Variants in SGCZ observed in about 807,000 individuals in gnomAD.
SGCZ encodes sarcoglycan zeta.
Under a neutral mutation model 41.3 loss-of-function variants are expected in SGCZ, and 40 were observed. That is an observed-to-expected ratio of 0.97 (90% CI 0.75 to 1.26). The LOEUF (loss-of-function observed/expected upper bound fraction) is 1.26. SGCZ is among the 50% of genes most tolerant of loss of function. SGCZ has a pLI of 0.00. For synonymous variants in SGCZ, 206 were observed against 137.5 expected (o/e 1.50, Z -3.49); for missense variants, 552 against 369.8 (o/e 1.49, Z -4.04).
At chr8:15,108,751 G>A (rs906419157) in intron 1 of SGCZ, among the ~76,000 whole-genome samples, 62 of 152,234 alleles carry the variant, frequency 4.1e-4, no homozygotes, top group African/African-American at 1.4e-3. Flanking sequence ...TTATTAATAT[G>A]TATTGTAAGA....
Position 14,418,050 on chromosome 8 carries a change from T to A in SGCZ, c.235-93846A>T, listed in dbSNP as rs1022760173. Among the ~76,000 whole-genome samples, 9 of 151,866 alleles carry A rather than the reference T, an allele frequency of 5.9e-5. No homozygotes were observed. In the South Asian group the frequency reaches 6.2e-4, roughly 10 times the overall value. ...TACCAGTTGTTTCATAGGCTATGTC[T>A]GTCATGCTAGGCAGTTTGCTGGGTG... On this transcript the variant is annotated intron_variant, in intron 2 of 7. Coordinates refer to ENST00000382080, the MANE Select transcript of SGCZ (RefSeq NM_139167.4).
At chr8:14,482,401 C>T (rs1049270520) in intron 2 of SGCZ, among the ~76,000 whole-genome samples, 3 of 152,182 alleles carry the variant, frequency 2.0e-5, no homozygotes, top group African/African-American at 4.8e-5. Context: ...GGGTAAAACA[C>T]TTTACTCACT....
chr8:14,702,988 G>A (rs1194884955), intron 1 of SGCZ, among the ~76,000 whole-genome samples: 1 of 151,632 alleles, frequency 6.6e-6, no homozygotes, highest in Non-Finnish European at 1.5e-5. Context: ...CAGACAGACA[G>A]ATAGATTTAT....
At chr8:15,155,161 GGTGCACGCCTATA>G (rs759586741) in intron 1 of SGCZ, among the ~76,000 whole-genome samples, 6 of 152,040 alleles carry the variant, frequency 3.9e-5, no homozygotes, top group Non-Finnish European at 7.4e-5. Context: ...TGAGTGTGGT[GGTGCACGCCTATA>G]GTCCCAGCTA....
At position 14,476,287 on chromosome 8, in the gene SGCZ, A is replaced by G. The variant is rs539281369; in HGVS notation, c.234+78445T>C. On this transcript the variant is annotated intron_variant, in intron 2 of 7. Transcript: ENST00000382080. ...ATCCAACTCACTGGGACCTGCCCCA[A>G]GAGAACAAAAAGCAGAAGATGGGTT... 7.2e-5 allele frequency among the ~76,000 whole-genome samples: 11 copies of G among 152,248 alleles called. No homozygotes were observed. In the East Asian group the frequency reaches 1.7e-3, roughly 24 times the overall value.
intron 4 of SGCZ, among the ~76,000 whole-genome samples, chr8:14,181,748 C>A (rs1296172060): frequency 6.6e-6 from 1 of 152,172 alleles, no homozygotes; most frequent in African/African-American, 2.4e-5. Flanking sequence ...TTGTCTTCCG[C>A]CATGATTGTG....
rs115784050 is a variant in SGCZ, at chr8:14,661,187, G to A, written c.40-106261C>T. On this transcript the variant is annotated intron_variant, in intron 1 of 7. Transcript: ENST00000382080. ...ATCATTTAGGTAGTTTGTGCCCCCCGATGGACAATAATATACTCATTAAAA... is the reference window on the plus strand; with the variant it reads ...ATCATTTAGGTAGTTTGTGCCCCCCAATGGACAATAATATACTCATTAAAA... 1.2e-3 allele frequency among the ~76,000 whole-genome samples: 184 copies of A among 152,104 alleles called. 3 individuals carry two copies. The highest frequency in any genetic ancestry group is 4.2e-3 in the African/African-American group (173 of 41,512).
At chr8:14,215,372 G>A (rs1805958243) in intron 4 of SGCZ, among the ~76,000 whole-genome samples, 1 of 152,042 alleles carries the variant, frequency 6.6e-6, no homozygotes, top group Non-Finnish European at 1.5e-5. Context: ...CACTAAAGCA[G>A]TGATAACAGA....
At chr8:15,159,652 T>A (rs1411690816) in intron 1 of SGCZ, among the ~76,000 whole-genome samples, 13 of 152,094 alleles carry the variant, frequency 8.5e-5, no homozygotes, top group Admixed American at 8.5e-4. Context: ...TGTTGACTGT[T>A]TTTGTGAGTG....
chr8:14,241,077 T>C (rs1798864494), intron 3 of SGCZ, among the ~76,000 whole-genome samples: 1 of 152,062 alleles, frequency 6.6e-6, no homozygotes, highest in Non-Finnish European at 1.5e-5. Flanking sequence ...GCTCCTTAAG[T>C]TTTATGTCTT....
chr8:14,109,729 A>G (rs1033607612), intron 5 of SGCZ, among the ~76,000 whole-genome samples: 1 of 152,190 alleles, frequency 6.6e-6, no homozygotes, highest in African/African-American at 2.4e-5. Context: ...GAAGCATCAG[A>G]TGACTCCTTT....
Position 14,554,737 on chromosome 8 carries a change from T to G in SGCZ, c.229A>C (p.Thr77Pro). 1 of 1,612,144 alleles carries G rather than the reference T, an allele frequency of 6.2e-7. No homozygotes were observed. Among genetic ancestry groups the G allele is most frequent in the Non-Finnish European group, 8.5e-7 (1 of 1,178,828 alleles). The change falls in exon 2 of 8, where the codon ACT becomes CCT. Residue 77 changes from threonine (T) to proline (P), a missense_variant. Transcript: ENST00000382080. ...AAAATCATAGTGGTACTTACCACAG[T>G]GAAATTCATAACTTTCAATATCCAT... is the stretch of plus-strand genomic sequence containing the variant. ...TIWILKVMNF[T>P]VDGMGNLRVT... is the part of the protein sequence containing the mutation.
In SGCZ at chr8:14,337,392, G is replaced by A. The variant is rs889529913; in HGVS notation, c.235-13188C>T. 7.2e-5 allele frequency among the ~76,000 whole-genome samples: 11 copies of A among 152,078 alleles called. No homozygotes were observed. In the East Asian group the frequency reaches 2.1e-3, roughly 29 times the overall value. ...GTATCAGCAAGACGAGGGAGAGAAGGGGTGAGATTATTTTCTGAGGGTGCT... is the reference window on the plus strand; with the variant it reads ...GTATCAGCAAGACGAGGGAGAGAAGAGGTGAGATTATTTTCTGAGGGTGCT... On this transcript the variant is annotated intron_variant, in intron 2 of 7. Transcript: ENST00000382080.
At chr8:14,277,299 T>A (rs1800271106) in intron 3 of SGCZ, among the ~76,000 whole-genome samples, 1 of 152,180 alleles carries the variant, frequency 6.6e-6, no homozygotes, top group Non-Finnish European at 1.5e-5. Flanking sequence ...TGGGTCATGT[T>A]CCTTCATAAG....
At chr8:14,483,241 C>T (rs557562715) in intron 2 of SGCZ, among the ~76,000 whole-genome samples, 3 of 152,098 alleles carry the variant, frequency 2.0e-5, no homozygotes, top group East Asian at 1.9e-4. Flanking sequence ...TTTAAGTACG[C>T]GTGACAATCA....
At chr8:14,253,310 G>T (rs1478873260) in intron 3 of SGCZ, among the ~76,000 whole-genome samples, 4 of 151,050 alleles carry the variant, frequency 2.6e-5, no homozygotes, top group African/African-American at 9.7e-5. Flanking sequence ...TTTAATTTTT[G>T]TTTATGAATT....
At chr8:14,244,573 C>A (rs890383555) in intron 3 of SGCZ, among the ~76,000 whole-genome samples, 1 of 151,848 alleles carries the variant, frequency 6.6e-6, no homozygotes, top group Non-Finnish European at 1.5e-5. Context: ...CTTGGCGATG[C>A]GGGCTCTTTT....
chr8:14,308,055 T>C (rs1415814098), intron 3 of SGCZ, among the ~76,000 whole-genome samples: 1 of 152,102 alleles, frequency 6.6e-6, no homozygotes, highest in Non-Finnish European at 1.5e-5. Flanking sequence ...AACAATATCT[T>C]AGTAAATTAG....
intron 1 of SGCZ, among the ~76,000 whole-genome samples, chr8:14,694,486 C>G (rs1049206217): frequency 6.6e-6 from 1 of 152,142 alleles, no homozygotes; most frequent in Non-Finnish European, 1.5e-5. Flanking sequence ...TTGCTCACCC[C>G]TTAGTCCGAA....
Sources: allele counts gnomAD v4.1 joint callset (sites outside exome capture counted in the v4.1 genomes callset), GRCh38; gene constraint gnomAD v4.1.1; transcripts MANE v1.5; gene names NCBI Gene and HGNC (gene_info 2026-07-23, HGNC 2026-07-21).